The following PLCG2 variants were observed in gnomAD, a reference collection of about 807,000 sequenced individuals.
PLCG2 encodes the protein phospholipase C gamma 2, also known as 1-phosphatidylinositol 4,5-bisphosphate phosphodiesterase gamma-2.
Under a neutral mutation model 175.6 loss-of-function variants are expected in PLCG2, and 69 were observed. The observed-to-expected ratio is 0.39, with a 90% CI of 0.32 to 0.48. PLCG2 has a LOEUF of 0.48. Among genes scored for constraint, PLCG2 ranks in the 20% least tolerant of loss-of-function variants. PLCG2 has a pLI of 0.91. For synonymous variants in PLCG2, 827 were observed against 624.0 expected (o/e 1.33, Z -4.85); for missense variants, 1,798 against 1,650.9 (o/e 1.09, Z -1.54).
chr16:81,775,758 T>A (rs1343113921), upstream of PLCG2, among the ~76,000 whole-genome samples: 1 of 152,196 alleles, frequency 6.6e-6, no homozygotes, highest in Non-Finnish European at 1.5e-5. Flanking sequence ...TTATTCTTTC[T>A]TACCTATCCA....
chr16:81,739,987 A>C (rs1909549173), intron 1 of PLCG2, among the ~76,000 whole-genome samples: 1 of 111,978 alleles, frequency 8.9e-6, no homozygotes, highest in Non-Finnish European at 2.2e-5. Flanking sequence ...AAAGTACAAA[A>C]ATTAGCTGTG....
intron 2 of PLCG2, among the ~76,000 whole-genome samples, chr16:81,853,890 A>G (rs1418545383): frequency 1.3e-5 from 2 of 152,130 alleles, no homozygotes; most frequent in Admixed American, 1.3e-4. Context: ...CCCTGTTACC[A>G]TCCCCAACGC....
intron 2 of PLCG2, among the ~76,000 whole-genome samples, chr16:81,828,102 A>G (rs559679366): frequency 6.6e-6 from 1 of 151,686 alleles, no homozygotes; most frequent in Admixed American, 6.6e-5. Flanking sequence ...AAAAAAAAAA[A>G]AAAAAAAAAA....
intron 3 of PLCG2, among the ~76,000 whole-genome samples, chr16:81,857,000 T>G (rs929076573): frequency 6.6e-6 from 1 of 152,208 alleles, no homozygotes; most frequent in Admixed American, 6.5e-5. Flanking sequence ...CCCAGAGCTT[T>G]CAGAAGGAAT....
intron 17 of PLCG2, 28 bp from the exon 18 acceptor site, chr16:81,910,492 C>G: frequency 6.2e-7 from 1 of 1,609,404 alleles, no homozygotes. Flanking sequence ...TGCGTTCTCC[C>G]AGCACTGATG....
At chr16:81,901,756 G>A (rs138001996) in intron 14 of PLCG2, among the ~76,000 whole-genome samples, 179 of 152,242 alleles carry the variant, frequency 1.2e-3, no homozygotes, top group African/African-American at 3.9e-3. Flanking sequence ...TGTTGTGCTC[G>A]TCATCACTTT....
intron 2 of PLCG2, among the ~76,000 whole-genome samples, chr16:81,816,115 A>C (rs1211649522): frequency 2.6e-5 from 4 of 151,408 alleles, no homozygotes; most frequent in African/African-American, 9.7e-5. Flanking sequence ...TTATGCCGGT[A>C]ATCCCAGCAC....
In PLCG2 at chr16:81,785,999, A is replaced by G. The variant is rs780153793; in HGVS notation, c.10A>G (p.Thr4Ala). Residue 4 changes from threonine (T) to alanine (A), a missense_variant, in exon 2 of 33, where the codon ACG (threonine) becomes GCG (alanine). Coordinates refer to ENST00000564138, the MANE Select transcript of PLCG2 (RefSeq NM_002661.5). Reference protein sequence around the residue: MSTTVNVDSLAEYE... With the variant: MSTAVNVDSLAEYE... ...CCTGGAGCGGCCGACAATGTCCACC[A>G]CGGTCAATGTAGATTCCCTTGCGGA... 1.2e-6 allele frequency: 2 copies of G among 1,613,626 alleles called. No individual in the cohort carries two copies. Among genetic ancestry groups the G allele is most frequent in the Admixed American group, 1.7e-5 (1 of 59,940 alleles).
intron 2 of PLCG2, among the ~76,000 whole-genome samples, chr16:81,816,438 G>C (rs1904550238): frequency 6.6e-6 from 1 of 151,804 alleles, no homozygotes; most frequent in African/African-American, 2.4e-5. Context: ...ACCATGAAAA[G>C]GGTGACCTGG....
intron 2 of PLCG2, among the ~76,000 whole-genome samples, chr16:81,809,924 G>C (rs1249601414): frequency 1.3e-5 from 2 of 152,014 alleles, no homozygotes; most frequent in Non-Finnish European, 2.9e-5. Context: ...CAGCATCCAA[G>C]ATGCAATGCC....
At chr16:81,834,254 A>C (rs547561522) in intron 2 of PLCG2, among the ~76,000 whole-genome samples, 24 of 152,290 alleles carry the variant, frequency 1.6e-4, no homozygotes, top group African/African-American at 5.8e-4. Context: ...AATGTTCAGT[A>C]AGGGGGACCT....
At chr16:81,816,526 G>T (rs1452451725) in intron 2 of PLCG2, among the ~76,000 whole-genome samples, 1 of 150,746 alleles carries the variant, frequency 6.6e-6, no homozygotes, top group Non-Finnish European at 1.5e-5. Context: ...TGCCCAGGTT[G>T]GAGTGCCATG....
Position 81,958,623 on chromosome 16 carries a change from G to C in PLCG2, c.*625G>C, listed in dbSNP as rs1911668428. The C allele has an allele frequency of 4.4e-6, 1 of 225,864 alleles. No homozygotes were observed. The highest frequency in any genetic ancestry group is 2.2e-5 in the African/African-American group (1 of 44,918). 14.0% of individuals were successfully genotyped at this position (225,864 alleles called of 1,614,324 possible). Reference sequence around the variant, plus strand: ...CTAATTAATGGTGACAGCTTGTTTTGTGACTAGAGTTACTGGGATGGAGGG... The same window carrying C: ...CTAATTAATGGTGACAGCTTGTTTTCTGACTAGAGTTACTGGGATGGAGGG... On this transcript the variant is annotated 3_prime_UTR_variant, in exon 33 of 33. Transcript: ENST00000564138.
At chr16:81,791,486 G>A (rs1034095035) in intron 2 of PLCG2, among the ~76,000 whole-genome samples, 37 of 152,252 alleles carry the variant, frequency 2.4e-4, no homozygotes, top group Non-Finnish European at 4.3e-4. Flanking sequence ...GTGTCACCTC[G>A]CCTGGAAGGT....
chr16:81,792,224 G>A (rs1470379951), intron 2 of PLCG2, among the ~76,000 whole-genome samples: 1 of 152,104 alleles, frequency 6.6e-6, no homozygotes, highest in Non-Finnish European at 1.5e-5. Context: ...GCTCACACCT[G>A]TAATCCCAGG....
intron 31 of PLCG2, among the ~76,000 whole-genome samples, chr16:81,952,966 C>G (rs942106057): frequency 6.6e-6 from 1 of 152,224 alleles, no homozygotes; most frequent in Non-Finnish European, 1.5e-5. Flanking sequence ...CGTTACCAAC[C>G]ACCTGGAATA....
chr16:81,802,709 T>C (rs1272250187), intron 2 of PLCG2, among the ~76,000 whole-genome samples: 1 of 151,892 alleles, frequency 6.6e-6, no homozygotes, highest in East Asian at 1.9e-4. Flanking sequence ...GTAGCTGGGA[T>C]TACAGGCATG....
intron 2 of PLCG2, among the ~76,000 whole-genome samples, chr16:81,807,587 C>G (rs1009987926): frequency 1.3e-5 from 2 of 152,162 alleles, no homozygotes; most frequent in Non-Finnish European, 2.9e-5. Context: ...TTATTGCTTA[C>G]TTAATTCCAC....
intron 1 of PLCG2, among the ~76,000 whole-genome samples, chr16:81,755,416 G>C (rs2143075220): frequency 6.6e-6 from 1 of 150,536 alleles, no homozygotes; most frequent in Non-Finnish European, 1.5e-5. Flanking sequence ...ATGTTGCCCA[G>C]GCTGGTCTCA....
Sources: allele counts gnomAD v4.1 joint callset (sites outside exome capture counted in the v4.1 genomes callset), GRCh38; gene constraint gnomAD v4.1.1; transcripts MANE v1.5; gene names NCBI Gene and HGNC (gene_info 2026-07-23, HGNC 2026-07-21).